TRIM2: variants seen among roughly 807,000 people sequenced by gnomAD.
The protein encoded by TRIM2 is tripartite motif-containing protein 2.
Under a neutral mutation model 75.2 loss-of-function variants are expected in TRIM2, and 20 were observed. The observed-to-expected ratio is 0.27, with a 90% CI of 0.19 to 0.39. TRIM2 has a LOEUF of 0.39. TRIM2 is among the 10% of genes least tolerant of loss of function. The pLI is 1.00. For missense variants in TRIM2, 660 were observed against 990.8 expected, an observed-to-expected ratio of 0.67 and a Z score of 4.48; for synonymous variants, 373 against 388.3, an observed-to-expected ratio of 0.96 and a Z score of 0.46.
intron 1 of TRIM2, among the ~76,000 whole-genome samples, chr4:153,180,929 C>A (rs1731994002): frequency 1.3e-5 from 2 of 152,208 alleles, no homozygotes; most frequent in African/African-American, 4.8e-5. Context: ...GTCCTGAGTG[C>A]TGGGGAAGCC....
chr4:153,286,482 GA>G (rs1381561031), intron 3 of TRIM2, among the ~76,000 whole-genome samples: 3 of 152,180 alleles, frequency 2.0e-5, no homozygotes, highest in Non-Finnish European at 2.9e-5. Flanking sequence ...GAAGTTTCCT[GA>G]TTATTGATTC....
intron 1 of TRIM2, among the ~76,000 whole-genome samples, chr4:153,256,148 C>T (rs2076616955): frequency 6.6e-6 from 1 of 152,182 alleles, no homozygotes; most frequent in African/African-American, 2.4e-5. Flanking sequence ...TTAAAAAAAT[C>T]CACAAAACTT....
At chr4:153,180,768 G>A (rs763347383) in intron 1 of TRIM2, among the ~76,000 whole-genome samples, 2 of 152,224 alleles carry the variant, frequency 1.3e-5, no homozygotes, top group Non-Finnish European at 2.9e-5. Context: ...CTGAGCCACA[G>A]CACCTGGCCA....
In TRIM2 at chr4:153,336,649, A is replaced by G. The variant is rs1772488351; in HGVS notation, c.*1683A>G. The G allele has an allele frequency of 1.0e-6, 1 of 985,536 alleles. No individual in the cohort carries two copies. Among genetic ancestry groups the G allele is most frequent in the Non-Finnish European group, 1.2e-6 (1 of 829,780 alleles). 61.0% of individuals were successfully genotyped at this position (985,536 alleles called of 1,614,324 possible). A position where few individuals can be genotyped will look rare whatever the true frequency, so the allele number is the denominator to read the frequency against. ...TGTACTATAAGAAAACATTTCCCCT[A>G]TGTATAATTATATGAATGTGATGTT... On this transcript the variant is annotated 3_prime_UTR_variant, in exon 12 of 12. Coordinates refer to ENST00000338700, the MANE Select transcript of TRIM2 (RefSeq NM_015271.5).
chr4:153,337,261 G>A lies in TRIM2; in HGVS notation c.*2295G>A. The A allele has an allele frequency of 1.0e-6, 1 of 985,660 alleles. No individual in the cohort carries two copies. The highest frequency in any genetic ancestry group is 5.2e-4 in the Middle Eastern group (1 of 1,914). The allele number at this position is 985,660 out of a possible 1,614,324, so 61.1% of individuals were successfully genotyped here. ...CAGGCTGTTGATCTTAAAACTAGTT[G>A]ATTTAAAGAGTTTTTTTGCACAACA... On this transcript the variant is annotated 3_prime_UTR_variant, in exon 12 of 12. Coordinates refer to ENST00000338700, the MANE Select transcript of TRIM2 (RefSeq NM_015271.5).
intron 1 of TRIM2, among the ~76,000 whole-genome samples, chr4:153,266,640 CTTTT>C (rs35140648): frequency 2.3e-5 from 3 of 131,278 alleles, no homozygotes; most frequent in African/African-American, 8.9e-5. Flanking sequence ...TGTGCCCGAC[CTTTT>C]TTTTTTTTTT....
At chr4:153,197,620 C>G (rs1442311216) in intron 1 of TRIM2, among the ~76,000 whole-genome samples, 1 of 152,108 alleles carries the variant, frequency 6.6e-6, no homozygotes, top group Admixed American at 6.5e-5. Flanking sequence ...GCCTGTAACC[C>G]CAGCACTATG....
At chr4:153,269,461 G>A (rs977174637) in intron 1 of TRIM2, among the ~76,000 whole-genome samples, 1 of 152,170 alleles carries the variant, frequency 6.6e-6, no homozygotes, top group Non-Finnish European at 1.5e-5. Context: ...AGAAATTTAT[G>A]CTCTGCTTTT....
intron 1 of TRIM2, among the ~76,000 whole-genome samples, chr4:153,223,243 C>T (rs1382955164): frequency 6.6e-6 from 1 of 152,162 alleles, no homozygotes; most frequent in Non-Finnish European, 1.5e-5. Context: ...GGACGCCGCG[C>T]GGCTCCCAGG....
intron 1 of TRIM2, among the ~76,000 whole-genome samples, chr4:153,214,938 A>T (rs931602277): frequency 2.0e-5 from 3 of 152,188 alleles, no homozygotes; most frequent in African/African-American, 7.2e-5. Flanking sequence ...TTTTAATTGG[A>T]ATCAGGTGTT....
intron 1 of TRIM2, among the ~76,000 whole-genome samples, chr4:153,188,516 AGTCT>A (rs1732852862): frequency 1.3e-5 from 2 of 152,348 alleles, no homozygotes; most frequent in African/African-American, 4.8e-5. Context: ...CTCCTCAGTC[AGTCT>A]ATTAGCCTTG....
chr4:153,152,397 T>C (rs1728806330), upstream of TRIM2: 2 of 42,466 alleles, frequency 4.7e-5, no homozygotes, highest in Admixed American at 2.9e-4. Flanking sequence ...TTTATACATA[T>C]ATATATGTGT....
intron 3 of TRIM2, among the ~76,000 whole-genome samples, chr4:153,279,069 G>T (rs1269753180): frequency 2.6e-5 from 4 of 152,162 alleles, no homozygotes; most frequent in Admixed American, 1.3e-4. Flanking sequence ...GTATTTTATT[G>T]ACATTTTGGA....
chr4:153,252,065 T>C (rs940957642), intron 1 of TRIM2, among the ~76,000 whole-genome samples: 6 of 152,208 alleles, frequency 3.9e-5, no homozygotes. Flanking sequence ...AACTTATTCC[T>C]TCTATCTAAC....
At chr4:153,265,488 C>A (rs1007416372) in intron 1 of TRIM2, among the ~76,000 whole-genome samples, 1 of 151,922 alleles carries the variant, frequency 6.6e-6, no homozygotes, top group East Asian at 1.9e-4. Context: ...GGGCTACAGG[C>A]GCCTGCCGCC....
rs1579565511 is a variant in TRIM2, at chr4:153,308,393, G to A, written c.1511-7092G>A. 8.8e-6 allele frequency: 8 copies of A among 905,806 alleles called. No individual in the cohort carries two copies. In the East Asian group the frequency reaches 1.9e-4, roughly 22 times the overall value. The allele number at this position is 905,806 out of a possible 1,614,324, so 56.1% of individuals were successfully genotyped here. Reference sequence around the variant, plus strand: ...AGATGATCTCAATGAGGGAGTCCTTGTTGGTTCCCAGCCCCTTCATGGAAG... The same window carrying A: ...AGATGATCTCAATGAGGGAGTCCTTATTGGTTCCCAGCCCCTTCATGGAAG... On this transcript the variant is annotated intron_variant, in intron 6 of 11. Transcript: ENST00000338700.
chr4:153,179,807 G>A (rs1237549064), intron 1 of TRIM2, among the ~76,000 whole-genome samples: 1 of 152,196 alleles, frequency 6.6e-6, no homozygotes, highest in Non-Finnish European at 1.5e-5. Context: ...GTCACTGTGT[G>A]TGTGACACTT....
chr4:153,187,515 G>T (rs1235818403), intron 1 of TRIM2, among the ~76,000 whole-genome samples: 1 of 152,228 alleles, frequency 6.6e-6, no homozygotes, highest in Admixed American at 6.5e-5. Flanking sequence ...TCATCCGCAG[G>T]TTAGAGGAGT....
chr4:153,260,686 A>ACC (rs1560902694), intron 1 of TRIM2, among the ~76,000 whole-genome samples: 1 of 17,426 alleles, frequency 5.7e-5, no homozygotes, highest in African/African-American at 1.5e-4. Context: ...CCACCCACAC[A>ACC]CCCACCCCCC....
Sources: gnomAD v4.1 joint callset for allele counts (sites outside exome capture counted in the v4.1 genomes callset) on GRCh38, gnomAD v4.1.1 for gene constraint, MANE v1.5 for transcripts, NCBI Gene and HGNC (gene_info 2026-07-23, HGNC 2026-07-21) for gene names.